NRG3: variants seen among roughly 807,000 people sequenced by gnomAD.
The protein encoded by NRG3 is pro-neuregulin-3, membrane-bound isoform.
A neutral mutation model predicts 66.9 loss-of-function variants in NRG3; 31 were observed. That is an observed-to-expected ratio of 0.46 (90% confidence interval 0.35 to 0.63). NRG3 has a LOEUF of 0.63. Among genes scored for constraint, NRG3 ranks in the 20% least tolerant of loss-of-function variants. The pLI, the probability that NRG3 is intolerant of heterozygous loss-of-function variation, is 0.00. For synonymous variants in NRG3, 393 were observed against 359.4 expected, an observed-to-expected ratio of 1.09 and a Z score of -1.06; for missense variants, 910 against 878.9, an observed-to-expected ratio of 1.04 and a Z score of -0.45.
intron 2 of NRG3, among the ~76,000 whole-genome samples, chr10:82,502,293 C>T (rs374011400): frequency 3.9e-5 from 6 of 152,034 alleles, no homozygotes; most frequent in African/African-American, 1.4e-4. Context: ...CTTGTGTGAA[C>T]CTGTTCAGGT....
intron 1 of NRG3, among the ~76,000 whole-genome samples, chr10:82,132,542 T>TATATCATATATATATG (rs1388724448): frequency 7.6e-6 from 1 of 130,948 alleles, no homozygotes; most frequent in Non-Finnish European, 1.6e-5. Context: ...ATATGATATA[T>TATATCATATATATATG]ATATATCTTT....
chr10:82,847,359 G>A (rs1591709490), intron 3 of NRG3, among the ~76,000 whole-genome samples: 1 of 152,124 alleles, frequency 6.6e-6, no homozygotes, highest in Admixed American at 6.5e-5. Context: ...ACAGTGGCGA[G>A]TAGATATCAA....
chr10:82,860,924 A>T lies in NRG3; in HGVS notation c.1028-4487A>T, dbSNP rs182333872. 7.6e-4 allele frequency among the ~76,000 whole-genome samples: 116 copies of T among 152,320 alleles called. 1 individual carries two copies. Among genetic ancestry groups the T allele is most frequent in the African/African-American group, 2.6e-3 (110 of 41,578 alleles). On this transcript the variant is annotated intron_variant, in intron 3 of 8. Coordinates refer to ENST00000372141, the MANE Select transcript of NRG3 (RefSeq NM_001010848.4). ...CCTGCAGGCGTGAATATCCCTGGGC[A>T]TACTGCTTGCTTTGAGAAATAGCCA...
Position 82,231,116 on chromosome 10 carries a change from G to A in NRG3, c.824-127623G>A, listed in dbSNP as rs1227630132. On this transcript the variant is annotated intron_variant, in intron 1 of 8. Coordinates refer to ENST00000372141, the MANE Select transcript of NRG3 (RefSeq NM_001010848.4). ...CCAGGACTTTGGGAGGCCGAGGAGGGTGGATCACCTAAGGTCAGGAGTTCG... is the reference window on the plus strand; with the variant it reads ...CCAGGACTTTGGGAGGCCGAGGAGGATGGATCACCTAAGGTCAGGAGTTCG... Among the ~76,000 whole-genome samples, 7 of 152,154 alleles carry A rather than the reference G, an allele frequency of 4.6e-5. No individual in the cohort carries two copies. In the East Asian group the frequency reaches 9.6e-4, roughly 21 times the overall value.
intron 1 of NRG3, among the ~76,000 whole-genome samples, chr10:82,131,285 T>C (rs532132796): frequency 1.8e-4 from 28 of 152,246 alleles, no homozygotes; most frequent in African/African-American, 6.7e-4. Flanking sequence ...CCCAGCACTA[T>C]TTAAAGAGAC....
rs545944201 is a variant in NRG3 at position 82,135,164 on chromosome 10, T to A, written c.824-223575T>A. 1.2e-3 allele frequency among the ~76,000 whole-genome samples: 181 copies of A among 152,126 alleles called. 1 individual carries two copies. The highest frequency in any genetic ancestry group is 2.0e-3 in the Non-Finnish European group (137 of 68,006). ...TTCCATATGAAATTAAAAATTTTAA[T>A]ATCTTTCCTGGATTATAGGGTTTCC... On this transcript the variant is annotated intron_variant, in intron 1 of 8. Coordinates refer to ENST00000372141, the MANE Select transcript of NRG3 (RefSeq NM_001010848.4).
intron 2 of NRG3, among the ~76,000 whole-genome samples, chr10:82,627,080 T>G (rs1199343219): frequency 1.3e-5 from 2 of 152,128 alleles, no homozygotes; most frequent in Non-Finnish European, 2.9e-5. Flanking sequence ...AGGCTGCTCC[T>G]GACAACAGTC....
At position 82,557,065 on chromosome 10, in the gene NRG3, T is replaced by C. The variant is rs368957436; in HGVS notation, c.954-181512T>C. On this transcript the variant is annotated intron_variant, in intron 2 of 8. Transcript: ENST00000372141. Reference sequence around the variant, plus strand: ...TTGATGGGCGTTGAGGTTGATTCCATGTCTTTGCTATTGTGAGTAATGCTG... The same window carrying C: ...TTGATGGGCGTTGAGGTTGATTCCACGTCTTTGCTATTGTGAGTAATGCTG... Among the ~76,000 whole-genome samples, 142 of 152,262 alleles carry C rather than the reference T, an allele frequency of 9.3e-4. 1 individual carries two copies. Among genetic ancestry groups the C allele is most frequent in the African/African-American group, 3.4e-3 (140 of 41,558 alleles).
intron 1 of NRG3, among the ~76,000 whole-genome samples, chr10:82,023,535 G>C (rs1359085637): frequency 6.6e-6 from 1 of 151,880 alleles, no homozygotes; most frequent in African/African-American, 2.4e-5. Flanking sequence ...TGTTTCTTCT[G>C]TACACAATTT....
At chr10:82,382,158 T>A (rs1161832271) in intron 2 of NRG3, among the ~76,000 whole-genome samples, 2 of 152,076 alleles carry the variant, frequency 1.3e-5, no homozygotes, top group African/African-American at 2.4e-5. Flanking sequence ...TTTATTATGT[T>A]TATAGAGTGC....
At chr10:82,909,710 T>G (rs562073628) in intron 4 of NRG3, among the ~76,000 whole-genome samples, 4 of 152,200 alleles carry the variant, frequency 2.6e-5, no homozygotes, top group African/African-American at 9.6e-5. Context: ...TATGCTATGC[T>G]CTGTGATATC....
chr10:81,886,950 T>A lies in NRG3; in HGVS notation c.823+10787T>A, dbSNP rs553756125. On this transcript the variant is annotated intron_variant, in intron 1 of 8. Transcript: ENST00000372141. Reference sequence around the variant, plus strand: ...TTTCTGGATTTTGGAATAGGGATGCTGTTTAATTTATTGTACTTTTTTGTA... The same window carrying A: ...TTTCTGGATTTTGGAATAGGGATGCAGTTTAATTTATTGTACTTTTTTGTA... 5.9e-5 allele frequency among the ~76,000 whole-genome samples: 9 copies of A among 152,298 alleles called. No individual in the cohort carries two copies. In the South Asian group the frequency reaches 1.9e-3, roughly 32 times the overall value.
chr10:82,774,794 C>T (rs1346012926), intron 3 of NRG3, among the ~76,000 whole-genome samples: 7 of 145,288 alleles, frequency 4.8e-5, no homozygotes, highest in African/African-American at 1.8e-4. Context: ...TTTTTATTCC[C>T]CAGTTTTATT....
At chr10:82,707,842 C>A (rs2056407243) in intron 2 of NRG3, among the ~76,000 whole-genome samples, 1 of 70,408 alleles carries the variant, frequency 1.4e-5, no homozygotes, top group South Asian at 8.0e-4. Flanking sequence ...AACATCATCT[C>A]TACTAAAAAA....
intron 2 of NRG3, among the ~76,000 whole-genome samples, chr10:82,505,974 C>G (rs1046952035): frequency 2.6e-5 from 4 of 152,184 alleles, no homozygotes. Flanking sequence ...AAGGGCCAGG[C>G]GCGTGGCTCA....
intron 2 of NRG3, among the ~76,000 whole-genome samples, chr10:82,704,229 A>G (rs1156303226): frequency 6.6e-6 from 1 of 151,996 alleles, no homozygotes; most frequent in Non-Finnish European, 1.5e-5. Context: ...CATTCCACCA[A>G]CCACAACACA....
chr10:82,350,900 T>A (rs1416448793), intron 1 of NRG3, among the ~76,000 whole-genome samples: 5 of 151,756 alleles, frequency 3.3e-5, no homozygotes, highest in Non-Finnish European at 5.9e-5. Flanking sequence ...ACTCTTCTTT[T>A]TTTTTTTTTT....
rs539937135 is a variant in NRG3 at position 82,838,999 on chromosome 10, A to G, written c.1028-26412A>G. Among the ~76,000 whole-genome samples, 27 of 152,252 alleles carry G rather than the reference A, an allele frequency of 1.8e-4. No individual in the cohort carries two copies. The South Asian group carries it at 5.4e-3, about 30-fold the overall frequency. ...TAAAACCATCAGATCAGATCTTGTG[A>G]GACTTATTCACTACCACGAGAACAG... is the stretch of plus-strand genomic sequence containing the variant. On this transcript the variant is annotated intron_variant, in intron 3 of 8. Transcript: ENST00000372141.
chr10:82,716,946 C>A (rs2057006961), intron 2 of NRG3, among the ~76,000 whole-genome samples: 1 of 152,020 alleles, frequency 6.6e-6, no homozygotes, highest in Non-Finnish European at 1.5e-5. Context: ...ATACATTTTA[C>A]TGAGGAAAGT....
Sources: gnomAD v4.1 joint callset for allele counts (sites outside exome capture counted in the v4.1 genomes callset) on GRCh38, gnomAD v4.1.1 for gene constraint, MANE v1.5 for transcripts, NCBI Gene and HGNC (gene_info 2026-07-23, HGNC 2026-07-21) for gene names.